TRIOBP: variants seen among roughly 807,000 people sequenced by gnomAD.
The protein encoded by TRIOBP is TRIO and F-actin-binding protein.
A neutral mutation model predicts 238.8 loss-of-function variants in TRIOBP; 169 were observed. The observed-to-expected ratio is 0.71, with a 90% CI of 0.62 to 0.80. The LOEUF (loss-of-function observed/expected upper bound fraction) is 0.80. TRIOBP is among the 30% of genes least tolerant of loss of function. TRIOBP has a pLI of 0.00. For missense variants in TRIOBP, 2,838 were observed against 3,122.6 expected (o/e 0.91, Z 2.17); for synonymous variants, 1,150 against 1,274.4 (o/e 0.90, Z 2.08).
chr22:37,736,002 C>T (rs1924651287), intron 9 of TRIOBP, among the ~76,000 whole-genome samples: 1 of 152,262 alleles, frequency 6.6e-6, no homozygotes, highest in Non-Finnish European at 1.5e-5. Context: ...TCTCTGGCCC[C>T]TACAGCTCCT....
Position 37,734,769 on chromosome 22 carries a change from G to A in TRIOBP, c.4433G>A (p.Gly1478Glu), listed in dbSNP as rs779269850. 5 of 1,612,312 alleles carry A rather than the reference G, an allele frequency of 3.1e-6. No homozygotes were observed. Among genetic ancestry groups the A allele is most frequent in the South Asian group, 1.1e-5 (1 of 91,042 alleles). ...GCCAAAGCCCCGGAGGGAGCATGGG[G>A]GGGCACTTCCAGGGAGTACAAGGAG... ...GAAKAPEGAW[G>E]GTSREYKESW... Residue 1478 changes from glycine (G) to glutamate (E), a missense_variant, in exon 9 of 24, where the codon GGG becomes GAG. By Grantham distance (98) the Gly-to-Glu change is moderately conservative. This residue lies in a region of TRIOBP where 2,096 missense variants were observed against 2,137.4 expected (regional missense o/e 0.98). Transcript: ENST00000644935.
rs981719398 is a variant in TRIOBP, at chr22:37,751,571, G to A, written c.5323-201G>A. ...CTTGGCTCTCTGAGTGCCACTATCAGGAAAGGGGCCAGGGCTGCCTCAGTG... is the reference window on the plus strand; with the variant it reads ...CTTGGCTCTCTGAGTGCCACTATCAAGAAAGGGGCCAGGGCTGCCTCAGTG... On this transcript the variant is annotated intron_variant, in intron 11 of 23. Coordinates refer to ENST00000644935, the MANE Select transcript of TRIOBP (RefSeq NM_001039141.3). 13 of 617,266 alleles carry A rather than the reference G, an allele frequency of 2.1e-5. No homozygotes were observed. In the East Asian group the frequency reaches 3.4e-4, roughly 16 times the overall value. The allele number at this position is 617,266 out of a possible 1,614,324, so 38.2% of individuals were successfully genotyped here. A position where few individuals can be genotyped will look rare whatever the true frequency, so the allele number is the denominator to read the frequency against.
At chr22:37,737,610 G>A (rs1440694115) in intron 9 of TRIOBP, among the ~76,000 whole-genome samples, 5 of 145,998 alleles carry the variant, frequency 3.4e-5, no homozygotes, top group African/African-American at 1.3e-4. Flanking sequence ...GCAGTGAGCC[G>A]AGATCACGCC....
chr22:37,771,779 G>C (rs764944276), intron 22 of TRIOBP, 43 bp downstream of exon 22: 1 of 1,587,022 alleles, frequency 6.3e-7, no homozygotes, highest in Non-Finnish European at 8.6e-7. Context: ...GGACTCTGGA[G>C]CCATCTGGAT....
At chr22:37,719,241 C>T (rs1034110937) in intron 6 of TRIOBP, among the ~76,000 whole-genome samples, 4 of 149,526 alleles carry the variant, frequency 2.7e-5, no homozygotes, top group African/African-American at 9.9e-5. Flanking sequence ...AAATAAGGGC[C>T]ATGGTTGTGG....
rs771328109 is a variant in TRIOBP at position 37,725,627 on chromosome 22, C to G, written c.3071C>G (p.Pro1024Arg). The G allele has an allele frequency of 1.2e-6, 2 of 1,613,934 alleles. No homozygotes were observed. Among genetic ancestry groups the G allele is most frequent in the Non-Finnish European group, 8.5e-7 (1 of 1,179,958 alleles). The change falls in exon 7 of 24, where the codon CCT (proline) becomes CGT (arginine). Residue 1024 changes from proline to arginine, a missense_variant. Pro to Arg is a moderately radical substitution (Grantham distance 103, BLOSUM62 -2). Transcript: ENST00000644935. ...CAVCIGHRDA[P>R]RASSPPRYLQ... The stretch of plus-strand genomic sequence containing the variant: ...GTGTGCATTGGGCACCGGGATGCCC[C>G]TCGAGCCTCTTCGCCCCCTCGCTAT...
intron 4 of TRIOBP, 32 bp from the exon 5 acceptor site, chr22:37,713,178 C>G (rs774915704): frequency 9.4e-6 from 15 of 1,592,260 alleles, no homozygotes; most frequent in African/African-American, 1.3e-5. Flanking sequence ...TCCTAACTCC[C>G]CATTACTTTT....
intron 17 of TRIOBP, 147 bp from the exon 18 acceptor site, chr22:37,765,523 G>GGGAGCA: frequency 9.8e-7 from 1 of 1,016,710 alleles, no homozygotes; most frequent in Non-Finnish European, 1.5e-6. Flanking sequence ...GGGTGGGGGT[G>GGGAGCA]GGAGCAGGAG....
chr22:37,768,932 CCA>C, intron 19 of TRIOBP, 94 bp from the exon 20 acceptor site: 1 of 1,578,088 alleles, frequency 6.3e-7, no homozygotes, highest in East Asian at 2.2e-5. Context: ...AGAGGGAACC[CCA>C]GAGTCCTGGG....
At chr22:37,738,116 G>A (rs563099203) in intron 9 of TRIOBP, among the ~76,000 whole-genome samples, 2 of 152,344 alleles carry the variant, frequency 1.3e-5, no homozygotes, top group African/African-American at 4.8e-5. Flanking sequence ...TGAATGGAGG[G>A]TGAATGTGTG....
chr22:37,702,393 G>T (rs1198353946), intron 3 of TRIOBP, among the ~76,000 whole-genome samples: 1 of 151,568 alleles, frequency 6.6e-6, no homozygotes. Context: ...TAGTAGAAAC[G>T]GGGTTTCGCC....
In TRIOBP at chr22:37,723,406, A is replaced by G. The variant is rs1490143892; in HGVS notation, c.850A>G (p.Ile284Val). The G allele has an allele frequency of 6.2e-7, 1 of 1,611,534 alleles. No individual in the cohort carries two copies. Among genetic ancestry groups the G allele is most frequent in the South Asian group, 1.1e-5 (1 of 90,864 alleles). Residue 284 changes from isoleucine (I) to valine (V), a missense_variant, in exon 7 of 24, where the codon ATC becomes GTC. Around this residue, in one of 5 missense-constraint regions of TRIOBP, gnomAD observed 535 missense variants for 537.3 expected, o/e 1.00. Transcript: ENST00000644935. ...CCCCAGAGCCTCCTCTCCCCATCGA[A>G]TCACCCAAAGGGACACCTCCAGGGC... Reference protein sequence around the residue: ...EIPRASSPHRITQRDTSRASS... With the variant: ...EIPRASSPHRVTQRDTSRASS...
chr22:37,703,513 T>TG (rs1477462150), intron 3 of TRIOBP, among the ~76,000 whole-genome samples: 1 of 150,066 alleles, frequency 6.7e-6, no homozygotes, highest in Non-Finnish European at 1.5e-5. Flanking sequence ...CTTTTTTTTT[T>TG]TTTTTTTTTG....
intron 3 of TRIOBP, among the ~76,000 whole-genome samples, chr22:37,705,200 C>A (rs1474987114): frequency 6.6e-6 from 1 of 152,012 alleles, no homozygotes; most frequent in African/African-American, 2.4e-5. Flanking sequence ...CATGGTGAAA[C>A]CCCATCTCTA....
At chr22:37,756,115 C>T (rs1012247362) in intron 15 of TRIOBP, among the ~76,000 whole-genome samples, 11 of 152,306 alleles carry the variant, frequency 7.2e-5, no homozygotes, top group African/African-American at 2.6e-4. Context: ...CCCAGATGCC[C>T]ATGGCGGGCT....
chr22:37,718,005 C>T (rs1200812440), intron 6 of TRIOBP, among the ~76,000 whole-genome samples: 2 of 152,184 alleles, frequency 1.3e-5, no homozygotes, highest in Admixed American at 6.5e-5. Context: ...AGCTAAGGCC[C>T]GGCGAGAAAT....
rs189186552 is a variant in TRIOBP, at chr22:37,723,469, A to C, written c.913A>C (p.Thr305Pro). The stretch of plus-strand genomic sequence containing the variant: ...ACAGGAAATCTCCAGGGCCTCATCC[A>C]CCCAACAGGAAACCTCCAGGGCCTC... ...TQQEISRASSTQQETSRASST... is the reference protein window; with the variant it reads ...TQQEISRASSPQQETSRASST... Residue 305 changes from threonine to proline, a missense_variant, in exon 7 of 24, where the codon ACC becomes CCC. Around this residue, in one of 5 missense-constraint regions of TRIOBP, gnomAD observed 535 missense variants for 537.3 expected, o/e 1.00. Transcript: ENST00000644935. 1 of 1,612,534 alleles carries C rather than the reference A, an allele frequency of 6.2e-7. No individual in the cohort carries two copies. Among genetic ancestry groups the C allele is most frequent in the East Asian group, 2.2e-5 (1 of 44,788 alleles).
chr22:37,719,680 TC>T, intron 6 of TRIOBP, among the ~76,000 whole-genome samples: 1 of 152,012 alleles, frequency 6.6e-6, no homozygotes, highest in African/African-American at 2.4e-5. Flanking sequence ...CACTCTGGGC[TC>T]CCCGATCCCT....
chr22:37,735,029 C>T lies in TRIOBP; in HGVS notation c.4693C>T (p.Leu1565Phe). 2.5e-6 allele frequency: 4 copies of T among 1,609,304 alleles called. No homozygotes were observed. The highest frequency in any genetic ancestry group is 3.4e-6 in the Non-Finnish European group (4 of 1,176,776). Residue 1565 changes from leucine to phenylalanine, a missense_variant, in exon 9 of 24, where the codon CTT (leucine) becomes TTT (phenylalanine). Around this residue, in one of 5 missense-constraint regions of TRIOBP, gnomAD observed 2,096 missense variants for 2,137.4 expected, o/e 0.98. Transcript: ENST00000644935. ...GCTTGACTGGAGGGATCTGCTTGGC[C>T]TTCTCCGGGCACCAGGAGAGGGGGT... ...PELDWRDLLGLLRAPGEGVWA... is the reference protein window; with the variant it reads ...PELDWRDLLGFLRAPGEGVWA...
Sources: gnomAD v4.1 joint callset for allele counts (sites outside exome capture counted in the v4.1 genomes callset) on GRCh38, gnomAD v4.1.1 for gene constraint, gnomAD v4.1.1 regional missense constraint, MANE v1.5 for transcripts, NCBI Gene and HGNC (gene_info 2026-07-23, HGNC 2026-07-21) for gene names.